CCDC187: variants seen among roughly 807,000 people sequenced by gnomAD.
CCDC187 encodes coiled-coil domain-containing protein 187.
Under a neutral mutation model 38.0 loss-of-function variants are expected in CCDC187, and 32 were observed. The observed-to-expected ratio is 0.84, with a 90% CI of 0.64 to 1.13. The LOEUF (loss-of-function observed/expected upper bound fraction) is 1.13, where lower values mean the gene tolerates loss of function less well. CCDC187 is among the 50% of genes most tolerant of loss of function. The pLI, the probability that CCDC187 is intolerant of heterozygous loss-of-function variation, is 0.00. For missense variants in CCDC187, 707 were observed against 786.8 expected (o/e 0.90, Z 1.21); for synonymous variants, 333 against 347.9 (o/e 0.96, Z 0.48).
Position 136,250,390 on chromosome 9 carries a change from A to T in CCDC187, c.*3204T>A, listed in dbSNP as rs936374433. The T allele has an allele frequency of 4.9e-5, 14 of 285,616 alleles. No individual in the cohort carries two copies. The highest frequency in any genetic ancestry group is 3.1e-4 in the African/African-American group (14 of 45,028). The allele number at this position is 285,616 out of a possible 1,614,324, so 17.7% of individuals were successfully genotyped here. A position where few individuals can be genotyped will look rare whatever the true frequency, so the allele number is the denominator to read the frequency against. ...CCACCGCATTGCGCCGCACGTCAGC[A>T]CCAACCACGTGGCAGCGAGCCTGGG... On this transcript the variant is annotated 3_prime_UTR_variant, in exon 26 of 26. Transcript: ENST00000638797.
chr9:136,262,543 C>T, intron 18 of CCDC187, 81 bp from the exon 19 acceptor site: 1 of 980,248 alleles, frequency 1.0e-6, no homozygotes, highest in Non-Finnish European at 1.2e-6. Context: ...CTTCACGTGG[C>T]TGTGGCTGTG....
chr9:136,261,202 C>T (rs1391043377), intron 19 of CCDC187, among the ~76,000 whole-genome samples: 1 of 152,186 alleles, frequency 6.6e-6, no homozygotes, highest in Non-Finnish European at 1.5e-5. Context: ...AGGCGCCCAG[C>T]TCACAGCTGA....
intron 15 of CCDC187, 183 bp from the exon 16 acceptor site, chr9:136,267,694 T>G: frequency 1.1e-6 from 1 of 907,720 alleles, no homozygotes; most frequent in Non-Finnish European, 1.3e-6. Flanking sequence ...CCGCCCTCGC[T>G]TCCCCGACTG....
chr9:136,306,102 G>A (rs1326306238), upstream of CCDC187, among the ~76,000 whole-genome samples: 2 of 152,226 alleles, frequency 1.3e-5, no homozygotes, highest in Non-Finnish European at 2.9e-5. Flanking sequence ...GGGTGGACAG[G>A]AGCAGCAAGG....
intron 19 of CCDC187, among the ~76,000 whole-genome samples, chr9:136,261,356 A>G (rs1237254313): frequency 6.6e-6 from 1 of 151,814 alleles, no homozygotes; most frequent in Non-Finnish European, 1.5e-5. Flanking sequence ...ACTTTTCTCT[A>G]TTTTCTAGCT....
Position 136,268,101 on chromosome 9 carries a change from A to G in CCDC187, c.3467T>C (p.Leu1156Pro). 6 of 985,432 alleles carry G rather than the reference A, an allele frequency of 6.1e-6. No homozygotes were observed. Among genetic ancestry groups the G allele is most frequent in the Non-Finnish European group, 7.2e-6 (6 of 829,954 alleles). 61.0% of individuals were successfully genotyped at this position (985,432 alleles called of 1,614,324 possible). Residue 1156 changes from leucine (L) to proline (P), a missense_variant, in exon 15 of 26, where the codon CTC (leucine) becomes CCC (proline). Transcript: ENST00000638797. The stretch of plus-strand genomic sequence containing the variant: ...GAACTTGGCCAGGGGAAGCTGGGAG[A>G]GGGCTCCGTCAGGGCCCTCCACCTC... ...SAEVEGPDGA[L>P]SQLPLAKFFP...
At chr9:136,268,184 G>A in intron 14 of CCDC187, 59 bp from the exon 15 acceptor site, 1 of 963,438 alleles carries the variant, frequency 1.0e-6, no homozygotes, top group Non-Finnish European at 1.2e-6. Flanking sequence ...CCGTGTCAGG[G>A]GCCATTTCTA....
chr9:136,303,604 C>T (rs1831743209), intron 1 of CCDC187, 84 bp downstream of exon 1: 1 of 155,706 alleles, frequency 6.4e-6, no homozygotes, highest in Non-Finnish European at 1.4e-5. Context: ...CGCCCTTGTA[C>T]CTCCCACAGA....
chr9:136,298,248 CCAA>C (rs1458778526), intron 3 of CCDC187, among the ~76,000 whole-genome samples: 8 of 152,194 alleles, frequency 5.3e-5, no homozygotes, highest in Non-Finnish European at 1.2e-4. Flanking sequence ...GGGCCAGGCC[CCAA>C]GTGAATGCAC....
chr9:136,290,242 C>T (rs907598293), intron 6 of CCDC187, among the ~76,000 whole-genome samples, 189 bp from the exon 7 acceptor site: 19 of 152,094 alleles, frequency 1.2e-4, no homozygotes, highest in Admixed American at 1.3e-4. Flanking sequence ...CCCCGTTGCA[C>T]CCAGGGGCAA....
intron 7 of CCDC187, among the ~76,000 whole-genome samples, chr9:136,289,012 G>A (rs992288769): frequency 2.6e-5 from 4 of 152,188 alleles, no homozygotes; most frequent in Admixed American, 2.6e-4. Flanking sequence ...GGCAGGTGGA[G>A]CCCGGGCATC....
intron 9 of CCDC187, among the ~76,000 whole-genome samples, chr9:136,284,571 C>T (rs1012519924): frequency 3.3e-5 from 5 of 152,232 alleles, no homozygotes; most frequent in African/African-American, 9.6e-5. Context: ...GGCCCAAGAA[C>T]GCCTGGCAGT....
In CCDC187 at chr9:136,291,005, G is replaced by A. The variant is rs1212638118; in HGVS notation, c.1608C>T (p.Ala536=). The A allele has an allele frequency of 6.3e-5, 25 of 398,706 alleles. No individual in the cohort carries two copies. The highest frequency in any genetic ancestry group is 2.5e-4 in the African/African-American group (12 of 48,736). The allele number at this position is 398,706 out of a possible 1,614,324, so 24.7% of individuals were successfully genotyped here. The stretch of plus-strand genomic sequence containing the variant: ...AGGCCCTCCGTGGACAGGGCTGTGT[G>A]GCTACAGCACTCCAGGGCTGCTGGG... ...PFPQQPWSAV[A]TQPCPRRAWT... Residue 536 remains alanine, a synonymous_variant, in exon 6 of 26, where the codon GCC becomes GCT. Transcript: ENST00000638797.
chr9:136,279,326 G>A (rs1830995360), intron 10 of CCDC187, among the ~76,000 whole-genome samples: 1 of 137,908 alleles, frequency 7.3e-6, no homozygotes, highest in African/African-American at 2.6e-5. Context: ...CAGCTCTGGT[G>A]GAAGTGTTTA....
At chr9:136,275,892 AG>A (rs1830922438) in intron 12 of CCDC187, among the ~76,000 whole-genome samples, 1 of 152,146 alleles carries the variant, frequency 6.6e-6, no homozygotes, top group South Asian at 2.1e-4. Flanking sequence ...CCCAGGGCTC[AG>A]GGGCCTACCA....
intron 9 of CCDC187, among the ~76,000 whole-genome samples, chr9:136,282,965 CTG>C (rs1831082325): frequency 6.6e-6 from 1 of 152,188 alleles, no homozygotes; most frequent in Non-Finnish European, 1.5e-5. Context: ...AGAAATCAGT[CTG>C]AGGCCGGGCA....
intron 7 of CCDC187, among the ~76,000 whole-genome samples, chr9:136,289,370 T>A (rs1831255331): frequency 2.0e-5 from 3 of 151,814 alleles, no homozygotes; most frequent in African/African-American, 7.3e-5. Flanking sequence ...ATACAAAAAA[T>A]TAGCCGGGCG....
Position 136,304,085 on chromosome 9 carries a change from C to A in CCDC187, c.-255G>T, listed in dbSNP as rs1831758978. On this transcript the variant is annotated 5_prime_UTR_variant, in exon 1 of 26. Transcript: ENST00000638797. ...GCCCTGGGCTGGCCACAGCTGGGGG[C>A]CTTCCTAATGAGCTGTCTCTTGGTG... is the stretch of plus-strand genomic sequence containing the variant. The A allele has an allele frequency of 6.6e-6, 1 of 152,352 alleles. No homozygotes were observed. The highest frequency in any genetic ancestry group is 2.4e-5 in the African/African-American group (1 of 41,452). 9.4% of individuals were successfully genotyped at this position (152,352 alleles called of 1,614,324 possible).
chr9:136,252,476 C>CTGTCCACCGGGGGAA lies in CCDC187; in HGVS notation c.*1117_*1118insTTCCCCCGGTGGACA, dbSNP rs1830560328. On this transcript the variant is annotated 3_prime_UTR_variant, in exon 26 of 26. Transcript: ENST00000638797. ...CGTCCCGCACAGCCGGCCGCCCACC[C>CTGTCCACCGGGGGAA]GGTCCACCCTGGGAAGGTCCAGGCG... 5.1e-6 allele frequency: 1 copy of CTGTCCACCGGGGGAA among 196,964 alleles called. No homozygotes were observed. Among genetic ancestry groups the CTGTCCACCGGGGGAA allele is most frequent in the Non-Finnish European group, 1.1e-5 (1 of 93,952 alleles). 12.2% of individuals were successfully genotyped at this position (196,964 alleles called of 1,614,324 possible). A position where few individuals can be genotyped will look rare whatever the true frequency, so the allele number is the denominator to read the frequency against.
Sources: allele counts gnomAD v4.1 joint callset (sites outside exome capture counted in the v4.1 genomes callset), GRCh38; gene constraint gnomAD v4.1.1; transcripts MANE v1.5; gene names NCBI Gene and HGNC (gene_info 2026-07-23, HGNC 2026-07-21).